The following PIN4 variants were observed in gnomAD, a reference collection of about 807,000 sequenced individuals.
PIN4 encodes the protein peptidylprolyl cis/trans isomerase, NIMA-interacting 4, also known as peptidyl-prolyl cis-trans isomerase NIMA-interacting 4.
PIN4 carries 3 observed loss-of-function variants against 8.3 expected under a neutral mutation model. The observed-to-expected ratio is 0.36, with a 90% CI of 0.16 to 0.93. PIN4 has a LOEUF of 0.93. PIN4 is among the 40% of genes least tolerant of loss of function. The probability of loss-of-function intolerance (pLI) is 0.44; values close to 1 mark genes in which losing one functional copy is unlikely to be tolerated. For missense variants in PIN4, 75 were observed against 100.6 expected (o/e 0.75, Z 1.09); for synonymous variants, 18 against 32.5 (o/e 0.55, Z 1.52).
At chrX:72,218,202 G>A (rs1161662613) in intron 3 of PIN4, among the ~76,000 whole-genome samples, 1 of 107,241 alleles carries the variant, frequency 9.3e-6, no homozygotes, top group African/African-American at 3.4e-5. Flanking sequence ...CCTGGGAGGC[G>A]GAGCTTGCAG....
chrX:72,215,256 G>A (rs768496176), intron 3 of PIN4, among the ~76,000 whole-genome samples: 3 of 111,663 alleles, frequency 2.7e-5, no homozygotes, highest in Non-Finnish European at 5.6e-5. Flanking sequence ...GGGCGTGAGG[G>A]CACTTTCTGG....
intron 3 of PIN4, among the ~76,000 whole-genome samples, chrX:72,255,308 A>G (rs894204400): frequency 5.7e-5 from 6 of 105,233 alleles, no homozygotes; most frequent in Non-Finnish European, 7.8e-5. Flanking sequence ...AATAATAGTA[A>G]TAATAATAAT....
At chrX:72,263,326 T>C in exon 4 of PIN4, 1 of 110,355 alleles carries the variant, frequency 9.1e-6, no homozygotes, top group Non-Finnish European at 1.9e-5. Context: ...GGTTGCAGAG[T>C]GGAAGAAAAA....
At chrX:72,208,698 T>C in intron 3 of PIN4, 2 of 1,160,432 alleles carry the variant, frequency 1.7e-6, no homozygotes, top group Non-Finnish European at 1.2e-6. Context: ...CTTTCACATA[T>C]CTATAGAAAA....
intron 3 of PIN4, among the ~76,000 whole-genome samples, chrX:72,234,082 C>T (rs749257957): frequency 6.4e-5 from 7 of 110,125 alleles, no homozygotes; most frequent in Non-Finnish European, 1.1e-4. Context: ...TGCACTCCAG[C>T]CTGGGCAACA....
At chrX:72,249,835 C>CTAT (rs2043080092) in intron 3 of PIN4, among the ~76,000 whole-genome samples, 1 of 111,198 alleles carries the variant, frequency 9.0e-6, no homozygotes, top group Non-Finnish European at 1.9e-5. Context: ...ACACAAGCAC[C>CTAT]CACAATATCA....
chrX:72,202,258 C>G (rs1045696059), downstream of PIN4, among the ~76,000 whole-genome samples: 3 of 112,520 alleles, frequency 2.7e-5, no homozygotes, highest in Non-Finnish European at 3.8e-5. Context: ...GTTAAAAATC[C>G]CTGCCATGGA....
At chrX:72,258,028 G>C (rs58687520) in intron 3 of PIN4, among the ~76,000 whole-genome samples, 8,414 of 110,835 alleles carry the variant, frequency 0.076, 507 homozygotes, top group East Asian at 0.48. Flanking sequence ...GGTGCATGGG[G>C]CTCATCCTTC....
intron 3 of PIN4, chrX:72,256,145 C>G (rs960287119): frequency 2.7e-5 from 3 of 111,583 alleles, no homozygotes; most frequent in African/African-American, 9.8e-5. Context: ...GAGGAAAAAC[C>G]GGAGAGCAAA....
chrX:72,221,308 G>A (rs905167413), intron 3 of PIN4, among the ~76,000 whole-genome samples: 7 of 111,852 alleles, frequency 6.3e-5, no homozygotes, highest in Admixed American at 3.8e-4. Flanking sequence ...GCTTTCTCAC[G>A]GTACCAGGAA....
At chrX:72,226,663 C>T in intron 3 of PIN4, among the ~76,000 whole-genome samples, 1 of 111,044 alleles carries the variant, frequency 9.0e-6, no homozygotes, top group East Asian at 2.8e-4. Context: ...AATAGGAAAC[C>T]GTGAGGCTGA....
chrX:72,189,105 C>A (rs2042718824), intron 2 of PIN4, among the ~76,000 whole-genome samples: 1 of 110,914 alleles, frequency 9.0e-6, no homozygotes, highest in Non-Finnish European at 1.9e-5. Context: ...TTTGAGGCGG[C>A]AGTGAGTCAG....
rs750693487 is a variant in PIN4, at chrX:72,181,793, C to T, written c.8C>T (p.Pro3Leu). The T allele has an allele frequency of 1.3e-5, 15 of 1,191,635 alleles. No homozygotes were observed. Among genetic ancestry groups the T allele is most frequent in the Non-Finnish European group, 1.7e-5 (15 of 878,376 alleles). The change falls in exon 1 of 4, where the codon CCC becomes CTC. Residue 3 changes from proline (P) to leucine (L), a missense_variant. Transcript: ENST00000373669. ...CAACAACAAGCTTCCAAGATGCCGC[C>T]CAAAGGAAAAAGTGGTTCTGGAAAA... is the stretch of plus-strand genomic sequence containing the variant. MP[P>L]KGKSGSGKAG... is the part of the protein sequence containing the mutation.
rs535178536 is a variant in PIN4, at chrX:72,248,452, G to A, written c.313-14255G>A. ...GAAGACAGGAAAAGACTTTCTCACAGTCAGAGTGTAAGAGAACAGTTCAGA... is the reference window on the plus strand; with the variant it reads ...GAAGACAGGAAAAGACTTTCTCACAATCAGAGTGTAAGAGAACAGTTCAGA... On this transcript the variant is annotated intron_variant, in intron 3 of 3. Coordinates refer to the PIN4 transcript ENST00000423432. 2.7e-5 allele frequency among the ~76,000 whole-genome samples: 3 copies of A among 111,173 alleles called. No individual in the cohort carries two copies. The South Asian group carries it at 1.1e-3, about 42-fold the overall frequency.
At chrX:72,216,665 A>G (rs2042888921) in intron 3 of PIN4, among the ~76,000 whole-genome samples, 1 of 111,536 alleles carries the variant, frequency 9.0e-6, no homozygotes, top group Non-Finnish European at 1.9e-5. Context: ...ATCATATAGT[A>G]TTTGTCCTTT....
chrX:72,218,989 C>T (rs1293095443), intron 3 of PIN4, among the ~76,000 whole-genome samples: 3 of 112,854 alleles, frequency 2.7e-5, no homozygotes, highest in Non-Finnish European at 5.6e-5. Flanking sequence ...GGCACAGTGG[C>T]CCACGCCTGT....
At chrX:72,225,083 ATTG>A (rs2042946668) in intron 3 of PIN4, among the ~76,000 whole-genome samples, 1 of 111,773 alleles carries the variant, frequency 8.9e-6, no homozygotes, top group African/African-American at 3.3e-5. Context: ...TGTTTATCCT[ATTG>A]TTCCCAAACC....
intron 1 of PIN4, among the ~76,000 whole-genome samples, chrX:72,182,895 C>T (rs985221912): frequency 9.0e-6 from 1 of 111,300 alleles, no homozygotes; most frequent in African/African-American, 3.3e-5. Context: ...GAAACAAAGA[C>T]GAGATCATGG....
intron 3 of PIN4, among the ~76,000 whole-genome samples, chrX:72,230,350 A>G (rs2147602301): frequency 9.1e-6 from 1 of 109,953 alleles, no homozygotes; most frequent in South Asian, 4.0e-4. Context: ...GGCTGGAAAG[A>G]TGTCTGCCCC....
Sources: gnomAD v4.1 joint callset for allele counts (sites outside exome capture counted in the v4.1 genomes callset) on GRCh38, gnomAD v4.1.1 for gene constraint, MANE v1.5 for transcripts, NCBI Gene and HGNC (gene_info 2026-07-23, HGNC 2026-07-21) for gene names.